TRPM3: variants seen among roughly 807,000 people sequenced by gnomAD.
The protein encoded by TRPM3 is long transient receptor potential channel 3.
In TRPM3, 77 loss-of-function variants were observed where a neutral mutation model predicts 181.2. That is an observed-to-expected ratio of 0.42 (90% CI 0.35 to 0.51). The LOEUF is 0.51. Among genes scored for constraint, TRPM3 ranks in the 20% least tolerant of loss-of-function variants. The pLI is 0.01. For synonymous variants in TRPM3, 745 were observed against 796.4 expected (o/e 0.94, Z 1.09); for missense variants, 1,759 against 2,196.7 (o/e 0.80, Z 3.98).
At chr9:70,624,155 T>C (rs558481889) in intron 14 of TRPM3, among the ~76,000 whole-genome samples, 4 of 152,294 alleles carry the variant, frequency 2.6e-5, no homozygotes, top group South Asian at 2.1e-4. Context: ...ACTAATGAAA[T>C]TGTATAATAA....
intron 1 of TRPM3, among the ~76,000 whole-genome samples, chr9:71,118,891 C>G (rs1463520364): frequency 6.6e-6 from 1 of 151,946 alleles, no homozygotes; most frequent in Non-Finnish European, 1.5e-5. Flanking sequence ...CTAGATTAAG[C>G]CAGGAAGAGC....
chr9:71,110,538 T>C (rs970364561), intron 1 of TRPM3, among the ~76,000 whole-genome samples: 8 of 152,126 alleles, frequency 5.3e-5, no homozygotes, highest in African/African-American at 2.4e-5. Context: ...GTAGTTACAA[T>C]AGACTACATG....
intron 1 of TRPM3, among the ~76,000 whole-genome samples, chr9:71,385,484 C>A (rs1162278051): frequency 1.3e-5 from 2 of 152,122 alleles, no homozygotes; most frequent in African/African-American, 4.8e-5. Context: ...ACCCAGATTT[C>A]TAACTTCTTA....
At chr9:70,590,875 C>T (rs1588969756) in intron 22 of TRPM3, 156 bp downstream of exon 22, 1 of 890,206 alleles carries the variant, frequency 1.1e-6, no homozygotes, top group East Asian at 2.6e-5. Context: ...GTGTATTCAC[C>T]TTCTGTAATT....
chr9:71,355,589 T>TA (rs1364867550), intron 1 of TRPM3, among the ~76,000 whole-genome samples: 1 of 152,186 alleles, frequency 6.6e-6, no homozygotes, highest in Non-Finnish European at 1.5e-5. Flanking sequence ...AGTCATTTCT[T>TA]ACGGCAGCCC....
At chr9:71,377,391 T>A (rs1366090916) in intron 1 of TRPM3, among the ~76,000 whole-genome samples, 2 of 152,096 alleles carry the variant, frequency 1.3e-5, no homozygotes, top group Non-Finnish European at 2.9e-5. Context: ...TCTCACTAAA[T>A]TTCTTTAAAT....
chr9:71,399,521 C>CTTTTTTTTTTTTTTTTTTTTTTTTTTTTT, intron 1 of TRPM3, among the ~76,000 whole-genome samples: 1 of 107,518 alleles, frequency 9.3e-6, no homozygotes. Context: ...CTTATATTTT[C>CTTTTTTTTTTTTTTTTTTTTTTTTTTTTT]TTTTGTTTTT....
chr9:71,386,230 C>T (rs1298966793), intron 1 of TRPM3, among the ~76,000 whole-genome samples: 1 of 151,900 alleles, frequency 6.6e-6, no homozygotes, highest in Non-Finnish European at 1.5e-5. Context: ...GCTGGCAGAT[C>T]ACGAGGTCAG....
At chr9:70,823,242 A>G (rs1041734649) in intron 6 of TRPM3, among the ~76,000 whole-genome samples, 10 of 152,228 alleles carry the variant, frequency 6.6e-5, no homozygotes, top group African/African-American at 2.4e-4. Flanking sequence ...GCATTATTGC[A>G]ATAGCCTCCT....
chr9:71,432,455 A>G (rs2093972449), intron 1 of TRPM3, among the ~76,000 whole-genome samples: 1 of 150,208 alleles, frequency 6.7e-6, no homozygotes, highest in Non-Finnish European at 1.5e-5. Context: ...TTACCAGTGC[A>G]TTCTATAGTT....
At chr9:71,054,111 A>G (rs918485993) in intron 1 of TRPM3, among the ~76,000 whole-genome samples, 4 of 152,120 alleles carry the variant, frequency 2.6e-5, no homozygotes, top group African/African-American at 7.2e-5. Flanking sequence ...GTACATGGAA[A>G]ACTGTAGCTG....
intron 22 of TRPM3, among the ~76,000 whole-genome samples, chr9:70,587,130 A>T (rs972775347): frequency 1.3e-5 from 2 of 152,206 alleles, no homozygotes; most frequent in Non-Finnish European, 2.9e-5. Flanking sequence ...GCAGTAAGAA[A>T]AAAAAGTAAC....
At chr9:70,939,317 G>C (rs2096862094) in intron 1 of TRPM3, among the ~76,000 whole-genome samples, 1 of 152,176 alleles carries the variant, frequency 6.6e-6, no homozygotes, top group South Asian at 2.1e-4. Context: ...CCCAGTGTGG[G>C]TGCTAATTAC....
intron 1 of TRPM3, among the ~76,000 whole-genome samples, chr9:71,413,730 G>T (rs1411446930): frequency 6.6e-6 from 1 of 151,922 alleles, no homozygotes; most frequent in East Asian, 1.9e-4. Context: ...TGAGGTCATG[G>T]CACTCTTTCC....
chr9:70,860,470 C>T (rs2095493819), intron 3 of TRPM3, among the ~76,000 whole-genome samples: 1 of 152,100 alleles, frequency 6.6e-6, no homozygotes, highest in Non-Finnish European at 1.5e-5. Context: ...CTAGAGACAG[C>T]CATATGAAGG....
intron 1 of TRPM3, among the ~76,000 whole-genome samples, chr9:71,003,204 A>AC (rs1477997469): frequency 7.1e-6 from 1 of 141,652 alleles, no homozygotes; most frequent in African/African-American, 2.5e-5. Context: ...AAAAAAAAAA[A>AC]AAAAAAACAC....
chr9:70,921,943 A>C (rs930549699), intron 1 of TRPM3, among the ~76,000 whole-genome samples: 1 of 56,260 alleles, frequency 1.8e-5, no homozygotes, highest in African/African-American at 8.3e-5. Flanking sequence ...ACACAAACAA[A>C]CACACACACA....
chr9:71,145,261 T>C (rs1015125563), intron 1 of TRPM3, among the ~76,000 whole-genome samples: 10 of 152,184 alleles, frequency 6.6e-5, no homozygotes, highest in Non-Finnish European at 1.5e-4. Flanking sequence ...GGAACTCCAT[T>C]TGGAAGTCTA....
chr9:71,395,899 C>G (rs528994244), intron 1 of TRPM3, among the ~76,000 whole-genome samples: 1 of 152,086 alleles, frequency 6.6e-6, no homozygotes, highest in African/African-American at 2.4e-5. Flanking sequence ...AGGACAGTTT[C>G]TACTGGGTAT....
Sources: gnomAD v4.1 joint callset for allele counts (sites outside exome capture counted in the v4.1 genomes callset) on GRCh38, gnomAD v4.1.1 for gene constraint, MANE v1.5 for transcripts, NCBI Gene and HGNC (gene_info 2026-07-23, HGNC 2026-07-21) for gene names.